ACAT1: variants seen among roughly 807,000 people sequenced by gnomAD.
The protein encoded by ACAT1 is acetyl-CoA acetyltransferase, mitochondrial.
Under a neutral mutation model 47.3 loss-of-function variants are expected in ACAT1, and 28 were observed. The observed-to-expected ratio is 0.59, with a 90% CI of 0.44 to 0.81. The LOEUF (loss-of-function observed/expected upper bound fraction) is 0.81, where lower values mean the gene tolerates loss of function less well. Among genes scored for constraint, ACAT1 ranks in the 30% least tolerant of loss-of-function variants. The probability of loss-of-function intolerance (pLI) is 0.00; values close to 1 mark genes in which losing one functional copy is unlikely to be tolerated. For missense variants in ACAT1, 469 were observed against 524.3 expected (o/e 0.89, Z 1.03); for synonymous variants, 181 against 173.6 (o/e 1.04, Z -0.34).
At chr11:108,143,945 A>AAAGATTTT in intron 9 of ACAT1, 38 bp from the exon 10 acceptor site, 1 of 1,198,652 alleles carries the variant, frequency 8.3e-7, no homozygotes, top group South Asian at 1.2e-5. Flanking sequence ...TAAAAAAAAA[A>AAAGATTTT]AGATTTTAAC....
chr11:108,130,221 G>T (rs1022126311), intron 1 of ACAT1, among the ~76,000 whole-genome samples: 1 of 152,040 alleles, frequency 6.6e-6, no homozygotes, highest in East Asian at 1.9e-4. Context: ...CTGGGTCCTA[G>T]CTTGGGTGAG....
chr11:108,137,608 T>C (rs2077492025), intron 5 of ACAT1, among the ~76,000 whole-genome samples: 1 of 152,164 alleles, frequency 6.6e-6, no homozygotes, highest in Non-Finnish European at 1.5e-5. Context: ...CTAGAGCACA[T>C]TAAATTTTTA....
chr11:108,136,533 T>C (rs147360988), intron 5 of ACAT1: 101 of 157,028 alleles, frequency 6.4e-4, no homozygotes, highest in South Asian at 1.8e-3. Context: ...TTTGTCTTAA[T>C]TGAAGTATTG....
In ACAT1 at chr11:108,147,498, A is replaced by ATTAT; in HGVS notation, c.*111_*114dup. The ATTAT allele has an allele frequency of 2.2e-6, 3 of 1,361,532 alleles. No homozygotes were observed. The highest frequency in any genetic ancestry group is 3.1e-6 in the Non-Finnish European group (3 of 980,244). The allele number at this position is 1,361,532 out of a possible 1,614,324, so 84.3% of individuals were successfully genotyped here. ...ATTCAGATAAGCTGTTTCATTTTTT[A>ATTAT]TTATTTTCTATGTTAACTTTTAAAA... is the stretch of plus-strand genomic sequence containing the variant. On this transcript the variant is annotated 3_prime_UTR_variant, in exon 12 of 12. Coordinates refer to ENST00000265838, the MANE Select transcript of ACAT1 (RefSeq NM_000019.4).
Position 108,134,272 on chromosome 11 carries a change from G to C in ACAT1, c.290G>C (p.Gly97Ala). 6.2e-7 allele frequency: 1 copy of C among 1,613,610 alleles called. No individual in the cohort carries two copies. The highest frequency in any genetic ancestry group is 8.5e-7 in the Non-Finnish European group (1 of 1,179,830). Reference protein sequence around the residue: ...KEAYMGNVLQGGEGQAPTRQA... With the variant: ...KEAYMGNVLQAGEGQAPTRQA... ...GCATACATGGGTAATGTTCTACAAGGAGGTGAAGGACAAGCTCCTACAAGG... is the reference window on the plus strand; with the variant it reads ...GCATACATGGGTAATGTTCTACAAGCAGGTGAAGGACAAGCTCCTACAAGG... Residue 97 changes from glycine (G) to alanine (A), a missense_variant, in exon 4 of 12, where the codon GGA becomes GCA. Coordinates refer to ENST00000265838, the MANE Select transcript of ACAT1 (RefSeq NM_000019.4).
At chr11:108,135,507 T>C (rs1052715917) in intron 5 of ACAT1, among the ~76,000 whole-genome samples, 28 of 151,110 alleles carry the variant, frequency 1.9e-4, no homozygotes, top group African/African-American at 6.3e-4. Flanking sequence ...GTAGGCAACA[T>C]AGCAAGCGAG....
At position 108,138,985 on chromosome 11, in the gene ACAT1, C is replaced by T; in HGVS notation, c.523C>T (p.Leu175Phe). The T allele has an allele frequency of 6.2e-7, 1 of 1,614,072 alleles. No individual in the cohort carries two copies. The highest frequency in any genetic ancestry group is 2.2e-5 in the East Asian group (1 of 44,876). Reference sequence around the variant, plus strand: ...ATCAACACCATATGGTGGGGTAAAGCTTGAAGATTTGATTGTAAAAGACGG... The same window carrying T: ...ATCAACACCATATGGTGGGGTAAAGTTTGAAGATTTGATTGTAAAAGACGG... The part of the protein sequence containing the change: ...RGSTPYGGVK[L>F]EDLIVKDGLT... Residue 175 changes from leucine (L) to phenylalanine (F), a missense_variant, in exon 6 of 12, where the codon CTT becomes TTT. Transcript: ENST00000265838.
At chr11:108,130,627 C>T (rs2077339449) in intron 1 of ACAT1, among the ~76,000 whole-genome samples, 1 of 152,106 alleles carries the variant, frequency 6.6e-6, no homozygotes, top group African/African-American at 2.4e-5. Flanking sequence ...CTCCTGTCCT[C>T]ATGATCCACC....
At chr11:108,142,122 A>G (rs1283126155) in intron 8 of ACAT1, among the ~76,000 whole-genome samples, 2 of 152,222 alleles carry the variant, frequency 1.3e-5, no homozygotes, top group Admixed American at 6.5e-5. Context: ...CTATATATTG[A>G]ATAAGGAAAG....
upstream of ACAT1, among the ~76,000 whole-genome samples, chr11:108,118,308 CTTAATT>C (rs1864989726): frequency 6.6e-6 from 1 of 151,948 alleles, no homozygotes; most frequent in Admixed American, 6.6e-5. Flanking sequence ...ATAATTCTCT[CTTAATT>C]GTATTTAATT....
At chr11:108,120,585 C>T (rs529062363), upstream of ACAT1, among the ~76,000 whole-genome samples, 1 of 152,016 alleles carries the variant, frequency 6.6e-6, no homozygotes, top group Non-Finnish European at 1.5e-5. Flanking sequence ...AAAATAACAA[C>T]CATTTGTTTT....
chr11:108,124,584 C>G lies in ACAT1; in HGVS notation c.72+2906C>G, dbSNP rs532723049. 2.6e-5 allele frequency among the ~76,000 whole-genome samples: 4 copies of G among 152,224 alleles called. No individual in the cohort carries two copies. In the South Asian group the frequency reaches 8.3e-4, roughly 32 times the overall value. On this transcript the variant is annotated intron_variant, in intron 1 of 11. Transcript: ENST00000265838. ...TGAGCCACCACACCTGGCCCCCTTC[C>G]CTTTTTCTAATCTTACCCTAGTACA... is the stretch of plus-strand genomic sequence containing the variant.
intron 8 of ACAT1, 41 bp from the exon 9 acceptor site, chr11:108,142,396 G>GGTTCAATAA: frequency 1.4e-6 from 2 of 1,445,362 alleles, no homozygotes; most frequent in Non-Finnish European, 1.9e-6. Context: ...TACATTTATT[G>GGTTCAATAA]TGAAGGAATG....
chr11:108,141,327 CTGTGATCAT>C (rs1214891896), intron 7 of ACAT1, among the ~76,000 whole-genome samples: 1 of 126,002 alleles, frequency 7.9e-6, no homozygotes, highest in African/African-American at 3.1e-5. Context: ...ATGAGGTAAA[CTGTGATCAT>C]GCCAGCCTAA....
At chr11:108,136,186 G>C in intron 5 of ACAT1, 2 of 561,906 alleles carry the variant, frequency 3.6e-6, no homozygotes, top group Non-Finnish European at 6.3e-6. Flanking sequence ...TTCAGATGAA[G>C]ATTTTTTTCA....
intron 10 of ACAT1, chr11:108,144,254 A>C: frequency 5.1e-6 from 3 of 589,302 alleles, no homozygotes; most frequent in Non-Finnish European, 6.0e-6. Context: ...CACAAACTAC[A>C]TCTTCAGTAG....
At chr11:108,145,091 A>AAGGGCACTCACTAGTAATGTTTT (rs764672669) in intron 10 of ACAT1, among the ~76,000 whole-genome samples, 68 of 152,296 alleles carry the variant, frequency 4.5e-4, no homozygotes, top group East Asian at 1.9e-3. Context: ...TGTAAAGAAA[A>AAGGGCACTCACTAGTAATGTTTT]AGGGCACTCA....
chr11:108,135,130 T>C lies in ACAT1; in HGVS notation c.335-12T>C. 2 of 1,596,176 alleles carry C rather than the reference T, an allele frequency of 1.3e-6. No homozygotes were observed. The highest frequency in any genetic ancestry group is 1.7e-6 in the Non-Finnish European group (2 of 1,163,920). On this transcript the variant is annotated splice_polypyrimidine_tract_variant and intron_variant, in intron 4 of 11. Coordinates refer to ENST00000265838, the MANE Select transcript of ACAT1 (RefSeq NM_000019.4). ...GTATCGGTTTTTCAAAAGTGACTTA[T>C]ATTGGTTTTAGGCTTACCTATTTCT...
intron 9 of ACAT1, chr11:108,143,722 T>C: frequency 2.7e-6 from 1 of 363,858 alleles, no homozygotes; most frequent in South Asian, 3.3e-5. Context: ...TCTGAACTAT[T>C]CTGACAACCA....
Sources: allele counts gnomAD v4.1 joint callset (sites outside exome capture counted in the v4.1 genomes callset), GRCh38; gene constraint gnomAD v4.1.1; transcripts MANE v1.5; gene names NCBI Gene and HGNC (gene_info 2026-07-23, HGNC 2026-07-21).